The following ALDH1A1 variants were observed in gnomAD, a reference collection of about 807,000 sequenced individuals.
ALDH1A1 encodes the protein aldehyde dehydrogenase 1 family member A1.
ALDH1A1 carries 19 observed loss-of-function variants against 62.1 expected under a neutral mutation model. The ratio of observed to expected loss-of-function variants is 0.31; its 90% CI spans 0.21 to 0.45. The LOEUF (loss-of-function observed/expected upper bound fraction) is 0.45. Ranked by LOEUF, ALDH1A1 falls within the 20% of genes least tolerant of loss-of-function variation. The pLI, the probability that ALDH1A1 is intolerant of heterozygous loss-of-function variation, is 1.00. For missense variants in ALDH1A1, 521 were observed against 607.1 expected (o/e 0.86, Z 1.49); for synonymous variants, 231 against 215.9 (o/e 1.07, Z -0.61).
At chr9:72,944,359 A>C (rs2118575522) in intron 1 of ALDH1A1, among the ~76,000 whole-genome samples, 1 of 152,222 alleles carries the variant, frequency 6.6e-6, no homozygotes, top group Non-Finnish European at 1.5e-5. Flanking sequence ...TTCAGCATGA[A>C]AAGGGAATTT....
At chr9:72,931,425 T>C (rs550497887) in intron 2 of ALDH1A1, among the ~76,000 whole-genome samples, 5 of 152,346 alleles carry the variant, frequency 3.3e-5, no homozygotes, top group African/African-American at 9.6e-5. Context: ...ACGGGAGCTT[T>C]GCTCAAGGTT....
At chr9:72,916,075 G>A (rs903280106) in intron 9 of ALDH1A1, among the ~76,000 whole-genome samples, 1 of 152,130 alleles carries the variant, frequency 6.6e-6, no homozygotes, top group Non-Finnish European at 1.5e-5. Context: ...ACTGCAAGAT[G>A]TTTAGCAGCA....
intron 1 of ALDH1A1, among the ~76,000 whole-genome samples, chr9:72,945,258 C>A (rs1830462505): frequency 6.6e-6 from 1 of 151,908 alleles, no homozygotes; most frequent in Non-Finnish European, 1.5e-5. Flanking sequence ...ATTTTGGAGT[C>A]TGTGGGCTAA....
chr9:72,942,686 T>C (rs192074111), intron 1 of ALDH1A1, among the ~76,000 whole-genome samples: 22 of 152,186 alleles, frequency 1.4e-4, no homozygotes, highest in Non-Finnish European at 1.5e-5. Flanking sequence ...ATTCCCTCAG[T>C]TTACCCTTTG....
chr9:72,947,654 A>T (rs904673143), intron 1 of ALDH1A1, among the ~76,000 whole-genome samples: 1 of 151,936 alleles, frequency 6.6e-6, no homozygotes, highest in Non-Finnish European at 1.5e-5. Flanking sequence ...TTCTAGTACT[A>T]CTGGTTTTGA....
Position 72,904,528 on chromosome 9 carries a change from C to T in ALDH1A1, c.1433+1430G>A, listed in dbSNP as rs138944248. ...TTCTGCCCTAGAGGAAGTTTCATCT[C>T]TTCTGTTAGGAGAAGTTTTCTTCTC... On this transcript the variant is annotated intron_variant, in intron 12 of 12. Coordinates refer to ENST00000297785, the MANE Select transcript of ALDH1A1 (RefSeq NM_000689.5). Among the ~76,000 whole-genome samples the T allele has an allele frequency of 1.2e-3, 184 of 152,242 alleles. 1 individual carries two copies. The highest frequency in any genetic ancestry group is 1.4e-3 in the Admixed American group (22 of 15,284).
intron 9 of ALDH1A1, 123 bp from the exon 10 acceptor site, chr9:72,912,245 G>A (rs576526455): frequency 1.5e-5 from 11 of 723,644 alleles, no homozygotes; most frequent in Middle Eastern, 3.5e-4. Flanking sequence ...ATATTGAATC[G>A]AAACAGCTAA....
At chr9:72,926,072 T>C (rs1416378751) in intron 5 of ALDH1A1, among the ~76,000 whole-genome samples, 1 of 152,234 alleles carries the variant, frequency 6.6e-6, no homozygotes, top group African/African-American at 2.4e-5. Flanking sequence ...AGAGGCCAAG[T>C]ACTTGGGTTC....
chr9:72,922,699 T>C (rs1166834232), intron 7 of ALDH1A1, among the ~76,000 whole-genome samples: 2 of 152,078 alleles, frequency 1.3e-5, no homozygotes, highest in East Asian at 3.9e-4. Context: ...TTGGGGAGGG[T>C]CTAGAATTCT....
At chr9:72,931,124 C>T in intron 2 of ALDH1A1, 105 bp from the exon 3 acceptor site, 1 of 1,289,736 alleles carries the variant, frequency 7.8e-7, no homozygotes, top group Non-Finnish European at 1.1e-6. Context: ...TAAGCAGGCA[C>T]TGTGTCTCCA....
Position 72,945,461 on chromosome 9 carries a change from G to C in ALDH1A1, c.67-5209C>G, listed in dbSNP as rs1049754561. On this transcript the variant is annotated intron_variant, in intron 1 of 12. Transcript: ENST00000297785. Reference sequence around the variant, plus strand: ...TTCTTTTAAGATTTTCCAAACGAGAGGGAGGGTGATGAGAGTCCCCATTTA... The same window carrying C: ...TTCTTTTAAGATTTTCCAAACGAGACGGAGGGTGATGAGAGTCCCCATTTA... 1.5e-4 allele frequency among the ~76,000 whole-genome samples: 23 copies of C among 151,942 alleles called. 1 individual carries two copies. Among genetic ancestry groups the C allele is most frequent in the Admixed American group, 1.4e-3 (22 of 15,206 alleles).
chr9:72,948,313 C>T (rs1426421822), intron 1 of ALDH1A1, among the ~76,000 whole-genome samples: 1 of 151,966 alleles, frequency 6.6e-6, no homozygotes, highest in Non-Finnish European at 1.5e-5. Context: ...AGCATCACAG[C>T]ACAATCAGCT....
At chr9:72,904,687 G>C (rs1046911265) in intron 12 of ALDH1A1, among the ~76,000 whole-genome samples, 4 of 152,076 alleles carry the variant, frequency 2.6e-5, no homozygotes, top group Admixed American at 2.0e-4. Flanking sequence ...CCTTGGCCTT[G>C]TCTGACAGAT....
Position 72,930,860 on chromosome 9 carries a change from C to A in ALDH1A1, c.312+19G>T. 2 of 1,613,484 alleles carry A rather than the reference C, an allele frequency of 1.2e-6. No homozygotes were observed. Among genetic ancestry groups the A allele is most frequent in the Non-Finnish European group, 1.7e-6 (2 of 1,179,728 alleles). ...CTTTTGAGAGCTCTAGCTACCCATCCAGCTTGGATAATACTCACCGCCAGC... is the reference window on the plus strand; with the variant it reads ...CTTTTGAGAGCTCTAGCTACCCATCAAGCTTGGATAATACTCACCGCCAGC... On this transcript the variant is annotated intron_variant, in intron 3 of 12. Transcript: ENST00000297785.
At chr9:72,927,507 T>C (rs1461586242) in intron 4 of ALDH1A1, among the ~76,000 whole-genome samples, 1 of 152,158 alleles carries the variant, frequency 6.6e-6, no homozygotes, top group African/African-American at 2.4e-5. Flanking sequence ...GATAATTAAT[T>C]CCACCTTTCA....
At chr9:72,936,589 A>G (rs1179417640) in intron 2 of ALDH1A1, among the ~76,000 whole-genome samples, 3 of 143,030 alleles carry the variant, frequency 2.1e-5, no homozygotes, top group Admixed American at 1.4e-4. Flanking sequence ...GATCTCCTGA[A>G]GTCTCTGATA....
At chr9:72,947,703 G>A (rs976224786) in intron 1 of ALDH1A1, among the ~76,000 whole-genome samples, 1 of 151,878 alleles carries the variant, frequency 6.6e-6, no homozygotes, top group African/African-American at 2.4e-5. Flanking sequence ...GAAAGCATCA[G>A]ATCCAAGATA....
At chr9:72,939,776 AC>A (rs752797991) in intron 2 of ALDH1A1, among the ~76,000 whole-genome samples, 3 of 151,958 alleles carry the variant, frequency 2.0e-5, no homozygotes, top group South Asian at 4.1e-4. Context: ...CCTTGGTCTC[AC>A]AAAGTGCTGG....
intron 1 of ALDH1A1, among the ~76,000 whole-genome samples, chr9:72,941,199 C>T (rs1262231219): frequency 6.6e-6 from 1 of 152,092 alleles, no homozygotes; most frequent in Non-Finnish European, 1.5e-5. Flanking sequence ...TGGATTATAA[C>T]ATATATCCTA....
Sources: allele counts gnomAD v4.1 joint callset (sites outside exome capture counted in the v4.1 genomes callset), GRCh38; gene constraint gnomAD v4.1.1; transcripts MANE v1.5; gene names NCBI Gene and HGNC (gene_info 2026-07-23, HGNC 2026-07-21).